Variants in GRIA1 observed in about 807,000 individuals in gnomAD.
GRIA1 encodes the protein glutamate receptor 1.
A neutral mutation model predicts 99.2 loss-of-function variants in GRIA1; 31 were observed. That is an observed-to-expected ratio of 0.31 (90% CI 0.23 to 0.42). The LOEUF (loss-of-function observed/expected upper bound fraction) is 0.42. Among genes scored for constraint, GRIA1 ranks in the 10% least tolerant of loss-of-function variants. The probability of loss-of-function intolerance (pLI) is 1.00; values close to 1 mark genes in which losing one functional copy is unlikely to be tolerated. For missense variants in GRIA1, 782 were observed against 1,157.5 expected, an observed-to-expected ratio of 0.68 and a Z score of 4.71; for synonymous variants, 438 against 432.4, an observed-to-expected ratio of 1.01 and a Z score of -0.16.
chr5:153,730,724 G>A (rs769083379), intron 11 of GRIA1, among the ~76,000 whole-genome samples: 1 of 152,052 alleles, frequency 6.6e-6, no homozygotes, highest in Non-Finnish European at 1.5e-5. Flanking sequence ...AAGTAAAGCG[G>A]TAGATAACAC....
At chr5:153,572,031 A>G (rs1164986362) in intron 2 of GRIA1, among the ~76,000 whole-genome samples, 1 of 152,204 alleles carries the variant, frequency 6.6e-6, no homozygotes, top group Non-Finnish European at 1.5e-5. Context: ...ATAGTGTCCA[A>G]TAAGGCACCT....
chr5:153,541,563 C>T (rs139258000), intron 2 of GRIA1, among the ~76,000 whole-genome samples: 1,654 of 152,314 alleles, frequency 0.011, 14 homozygotes, highest in Non-Finnish European at 0.018. Context: ...GTATACCTAG[C>T]ATTGCCCCTT....
chr5:153,656,023 C>T (rs1754919475), intron 5 of GRIA1, 151 bp downstream of exon 5: 1 of 658,980 alleles, frequency 1.5e-6, no homozygotes, highest in African/African-American at 1.8e-5. Context: ...ACATTTTTAT[C>T]TTCTCCACAT....
chr5:153,592,593 T>G (rs1764067536), intron 2 of GRIA1, among the ~76,000 whole-genome samples: 1 of 152,210 alleles, frequency 6.6e-6, no homozygotes, highest in African/African-American at 2.4e-5. Flanking sequence ...AAGACAAAAT[T>G]CAACATTCTC....
intron 2 of GRIA1, among the ~76,000 whole-genome samples, chr5:153,644,486 C>A (rs898062066): frequency 2.0e-5 from 3 of 152,130 alleles, no homozygotes; most frequent in African/African-American, 7.2e-5. Context: ...ACTCATCATT[C>A]ATTTATTTAT....
At chr5:153,800,538 C>T (rs1765940909) in intron 14 of GRIA1, among the ~76,000 whole-genome samples, 1 of 152,204 alleles carries the variant, frequency 6.6e-6, no homozygotes, top group Non-Finnish European at 1.5e-5. Flanking sequence ...TTTGAATAAT[C>T]ATTTCTACTG....
intron 2 of GRIA1, among the ~76,000 whole-genome samples, chr5:153,551,213 C>T (rs549895692): frequency 7.9e-5 from 12 of 152,252 alleles, no homozygotes; most frequent in Admixed American, 2.6e-4. Context: ...CGGCCTTGCT[C>T]GGTCATGCAT....
intron 2 of GRIA1, among the ~76,000 whole-genome samples, chr5:153,537,085 G>T (rs1758647564): frequency 6.6e-6 from 1 of 152,176 alleles, no homozygotes; most frequent in African/African-American, 2.4e-5. Flanking sequence ...GATAATAAAA[G>T]CAATCGGACA....
chr5:153,639,697 G>A (rs1357045066), intron 2 of GRIA1, among the ~76,000 whole-genome samples: 2 of 152,218 alleles, frequency 1.3e-5, no homozygotes, highest in African/African-American at 4.8e-5. Context: ...TAAGCTCCAA[G>A]AGAGCAGAGA....
intron 8 of GRIA1, among the ~76,000 whole-genome samples, chr5:153,695,176 G>A (rs543987953): frequency 6.6e-6 from 1 of 152,214 alleles, no homozygotes; most frequent in African/African-American, 2.4e-5. Context: ...CTAAGCCTAA[G>A]TTTTCCTATC....
intron 11 of GRIA1, among the ~76,000 whole-genome samples, chr5:153,738,443 G>A (rs1385253739): frequency 5.9e-5 from 9 of 152,038 alleles, no homozygotes; most frequent in Admixed American, 2.0e-4. Flanking sequence ...ATAAAATAGC[G>A]CTAAATATGA....
chr5:153,701,017 G>T (rs7726544), intron 10 of GRIA1, among the ~76,000 whole-genome samples: 107,148 of 152,032 alleles, frequency 0.7, 38,152 homozygotes, highest in East Asian at 0.96. Context: ...ACATGCTGCA[G>T]CTGGAGGCTG....
intron 11 of GRIA1, among the ~76,000 whole-genome samples, chr5:153,757,921 ATGGTG>A (rs1762934102): frequency 6.6e-6 from 1 of 152,162 alleles, no homozygotes; most frequent in African/African-American, 2.4e-5. Flanking sequence ...TATTATAATC[ATGGTG>A]TGTAAATCAC....
intron 5 of GRIA1, among the ~76,000 whole-genome samples, chr5:153,673,701 G>T (rs532160060): frequency 2.6e-5 from 4 of 152,146 alleles, no homozygotes; most frequent in Non-Finnish European, 5.9e-5. Context: ...CTTAAAAAAG[G>T]ATAAACTGAA....
At chr5:153,599,746 A>T (rs760497829) in intron 2 of GRIA1, among the ~76,000 whole-genome samples, 8 of 152,136 alleles carry the variant, frequency 5.3e-5, no homozygotes, top group Non-Finnish European at 8.8e-5. Flanking sequence ...TGAGTTTGTC[A>T]CCAGTTGAGA....
chr5:153,611,034 T>G lies in GRIA1; in HGVS notation c.221-35894T>G, dbSNP rs1257414510. ...GTTGGATATGGGGATTTCCAAATCTTGCTGCTCATTTCAGAAAGCTTTTTG... is the reference window on the plus strand; with the variant it reads ...GTTGGATATGGGGATTTCCAAATCTGGCTGCTCATTTCAGAAAGCTTTTTG... On this transcript the variant is annotated intron_variant, in intron 2 of 15. Coordinates refer to ENST00000285900, the MANE Select transcript of GRIA1 (RefSeq NM_000827.4). 3.3e-5 allele frequency among the ~76,000 whole-genome samples: 5 copies of G among 152,248 alleles called. 1 individual carries two copies. Among genetic ancestry groups the G allele is most frequent in the African/African-American group, 9.6e-5 (4 of 41,556 alleles).
chr5:153,491,656 C>A (rs1316082426), intron 1 of GRIA1, among the ~76,000 whole-genome samples: 2 of 152,122 alleles, frequency 1.3e-5, no homozygotes, highest in African/African-American at 4.8e-5. Context: ...TCCTTGCCCC[C>A]TCCTCTTAGA....
At chr5:153,517,305 A>G (rs1166052673) in intron 2 of GRIA1, among the ~76,000 whole-genome samples, 2 of 151,814 alleles carry the variant, frequency 1.3e-5, no homozygotes, top group African/African-American at 4.8e-5. Flanking sequence ...TTTTTCATCC[A>G]CCGCCTGCTG....
In GRIA1 at chr5:153,688,908, C is replaced by T. The variant is rs148844722; in HGVS notation, c.1134+2579C>T. On this transcript the variant is annotated intron_variant, in intron 8 of 15. Coordinates refer to ENST00000285900, the MANE Select transcript of GRIA1 (RefSeq NM_000827.4). Reference sequence around the variant, plus strand: ...CTAATTTTTGTATTTTGGGTAGACACGGGGTTTCTCACGACGTTGGCCAGA... The same window carrying T: ...CTAATTTTTGTATTTTGGGTAGACATGGGGTTTCTCACGACGTTGGCCAGA... 5.7e-3 allele frequency among the ~76,000 whole-genome samples: 867 copies of T among 152,090 alleles called. 12 individuals carry two copies. Among genetic ancestry groups the T allele is most frequent in the African/African-American group, 0.02 (836 of 41,492 alleles).
Sources: allele counts gnomAD v4.1 joint callset (sites outside exome capture counted in the v4.1 genomes callset), GRCh38; gene constraint gnomAD v4.1.1; transcripts MANE v1.5; gene names NCBI Gene and HGNC (gene_info 2026-07-23, HGNC 2026-07-21).